RBBP8NL: variants seen among roughly 807,000 people sequenced by gnomAD.
RBBP8NL encodes RBBP8 N-terminal-like protein.
Under a neutral mutation model 62.2 loss-of-function variants are expected in RBBP8NL, and 59 were observed. The ratio of observed to expected loss-of-function variants is 0.95; its 90% CI spans 0.77 to 1.18. The LOEUF (loss-of-function observed/expected upper bound fraction) is 1.18. RBBP8NL is among the 50% of genes most tolerant of loss of function. RBBP8NL has a pLI of 0.00. For missense variants in RBBP8NL, 896 were observed against 899.5 expected (o/e 1.00, Z 0.05); for synonymous variants, 412 against 394.1 (o/e 1.05, Z -0.54).
intron 3 of RBBP8NL, 128 bp from the exon 4 acceptor site, chr20:62,417,447 C>G: frequency 3.0e-6 from 2 of 667,926 alleles, no homozygotes; most frequent in Non-Finnish European, 5.1e-6. Flanking sequence ...AACGCCTAAC[C>G]CGGTGCCCCC....
chr20:62,420,058 C>G (rs1027473976), intron 1 of RBBP8NL, among the ~76,000 whole-genome samples: 2 of 152,138 alleles, frequency 1.3e-5, no homozygotes, highest in African/African-American at 4.8e-5. Context: ...GGTATCCAGC[C>G]CATCAGTGCC....
chr20:62,413,997 C>T lies in RBBP8NL; in HGVS notation c.1354G>A (p.Gly452Ser). The T allele has an allele frequency of 1.3e-6, 2 of 1,569,694 alleles. No homozygotes were observed. Among genetic ancestry groups the T allele is most frequent in the South Asian group, 1.2e-5 (1 of 85,328 alleles). ...CCGGCCGGCTTGGGAGTGTCCTGGC[C>T]CCGGGCCCGGCCCCACTCCGAGAGG... Reference protein sequence around the residue: ...LDLSEWGRARGQDTPKPAGQH... With the variant: ...LDLSEWGRARSQDTPKPAGQH... The change falls in exon 10 of 14, where the codon GGC (glycine) becomes AGC (serine). Residue 452 changes from glycine (G) to serine (S), a missense_variant. By Grantham distance (56) the Gly-to-Ser change is moderately conservative (BLOSUM62 0). Coordinates refer to ENST00000252998, the MANE Select transcript of RBBP8NL (RefSeq NM_080833.3).
chr20:62,418,340 T>C (rs1988626747), intron 3 of RBBP8NL, 83 bp downstream of exon 3: 1 of 1,282,078 alleles, frequency 7.8e-7, no homozygotes, highest in African/African-American at 1.5e-5. Flanking sequence ...AGGACGGTGG[T>C]AGTGCTGGCA....
rs1051564388 is a variant in RBBP8NL at position 62,414,556 on chromosome 20, G to A, written c.795C>T (p.Ser265=). 1 of 1,423,476 alleles carries A rather than the reference G, an allele frequency of 7.0e-7. No individual in the cohort carries two copies. The highest frequency in any genetic ancestry group is 1.4e-5 in the African/African-American group (1 of 69,398). 88.2% of individuals were successfully genotyped at this position (1,423,476 alleles called of 1,614,324 possible). ...CGGAGGGCCGGGAGGCCCGCAGGAA[G>A]CTGTGAGGGAGGAGAAGCCGAATGA... ...PAYERGLSLD[S]FLRASRPSAM... Residue 265 remains serine, a splice_region_variant and synonymous_variant, in exon 10 of 14, where the codon AGC becomes AGT. Transcript: ENST00000252998.
intron 1 of RBBP8NL, among the ~76,000 whole-genome samples, chr20:62,427,051 C>T (rs1010836292): frequency 2.0e-5 from 3 of 152,360 alleles, no homozygotes; most frequent in African/African-American, 4.8e-5. Context: ...GTGCTGCACC[C>T]CTGCACCACC....
Position 62,410,572 on chromosome 20 carries a change from G to A in RBBP8NL, c.*306C>T. ...GCCGCAGAGCATTTCCCAGGTGGGT[G>A]GAGACGGGGTGAATCGCCAGCCTGA... is the stretch of plus-strand genomic sequence containing the variant. On this transcript the variant is annotated 3_prime_UTR_variant, in exon 14 of 14. Transcript: ENST00000252998. 1 of 414,382 alleles carries A rather than the reference G, an allele frequency of 2.4e-6. No homozygotes were observed. Among genetic ancestry groups the A allele is most frequent in the Non-Finnish European group, 4.3e-6 (1 of 231,030 alleles). The allele number at this position is 414,382 out of a possible 1,614,324, so 25.7% of individuals were successfully genotyped here.
intron 5 of RBBP8NL, 57 bp from the exon 6 acceptor site, chr20:62,416,293 GT>G: frequency 4.9e-5 from 34 of 701,018 alleles, no homozygotes; most frequent in Middle Eastern, 3.7e-4. Context: ...AGGGGCAGGG[GT>G]GGGGTCGTCA....
At chr20:62,419,994 C>A (rs1211726472) in intron 1 of RBBP8NL, among the ~76,000 whole-genome samples, 2 of 152,114 alleles carry the variant, frequency 1.3e-5, no homozygotes, top group African/African-American at 4.8e-5. Context: ...GCTGGAGGGG[C>A]CAGGGAGCAT....
intron 1 of RBBP8NL, among the ~76,000 whole-genome samples, chr20:62,422,863 T>G (rs565617266): frequency 6.6e-6 from 1 of 152,028 alleles, no homozygotes; most frequent in Non-Finnish European, 1.5e-5. Context: ...TGGGGCTGCA[T>G]GGAGGGCGGA....
chr20:62,420,506 CACA>C (rs1411007009), intron 1 of RBBP8NL, among the ~76,000 whole-genome samples: 4 of 152,120 alleles, frequency 2.6e-5, no homozygotes, highest in Admixed American at 6.5e-5. Flanking sequence ...CATGTATACA[CACA>C]ACACACAGGC....
At chr20:62,419,346 C>G (rs1478915969) in intron 2 of RBBP8NL, among the ~76,000 whole-genome samples, 1 of 152,216 alleles carries the variant, frequency 6.6e-6, no homozygotes, top group East Asian at 1.9e-4. Flanking sequence ...GGGTCACACT[C>G]TGGGAGTGGC....
At chr20:62,413,776 C>T (rs930917869) in intron 10 of RBBP8NL, 45 bp downstream of exon 10, 11 of 1,536,620 alleles carry the variant, frequency 7.2e-6, no homozygotes, top group Middle Eastern at 2.3e-4. Context: ...GGGTGGGGGA[C>T]GTGGAGGCTG....
Position 62,415,956 on chromosome 20 carries a change from G to A in RBBP8NL, c.387-11C>T. The A allele has an allele frequency of 2.0e-6, 3 of 1,514,376 alleles. No homozygotes were observed. The highest frequency in any genetic ancestry group is 1.8e-6 in the Non-Finnish European group (2 of 1,130,794). The allele number at this position is 1,514,376 out of a possible 1,614,324, so 93.8% of individuals were successfully genotyped here. ...GGCTTGGGCCTGTCTCTAGAGGGGA[G>A]GCAGAGACAGGGAGGGTGAGGGAGA... On this transcript the variant is annotated splice_polypyrimidine_tract_variant and intron_variant, in intron 6 of 13. Coordinates refer to ENST00000252998, the MANE Select transcript of RBBP8NL (RefSeq NM_080833.3).
At position 62,415,728 on chromosome 20, in the gene RBBP8NL, G is replaced by T. The variant is rs547876073; in HGVS notation, c.544+60C>A. The stretch of plus-strand genomic sequence containing the variant: ...AGAGGGGCAGCGGCCCAGCCCCAGG[G>T]GGAGGATCCCTGGTCCTGCGGGGGC... On this transcript the variant is annotated intron_variant, in intron 7 of 13. Coordinates refer to ENST00000252998, the MANE Select transcript of RBBP8NL (RefSeq NM_080833.3). 3.5e-5 allele frequency: 56 copies of T among 1,609,714 alleles called. No individual in the cohort carries two copies. In the African/African-American group the frequency reaches 6.9e-4, roughly 20 times the overall value.
rs1157843484 is a variant in RBBP8NL, at chr20:62,414,144, T to G, written c.1207A>C (p.Arg403=). 1 of 1,604,628 alleles carries G rather than the reference T, an allele frequency of 6.2e-7. No homozygotes were observed. The highest frequency in any genetic ancestry group is 8.5e-7 in the Non-Finnish European group (1 of 1,177,442). ...AGGCCTGCTGCGGCCAGAGCTGCCC[T>G]GGTCCCCTCATTCTCAGGGCCCTCA... ...DSEGPENEGT[R]AALAAAGLSG... is the part of the protein sequence containing the mutation. Residue 403 remains arginine (R), a synonymous_variant, in exon 10 of 14, where the codon AGG becomes CGG. Coordinates refer to ENST00000252998, the MANE Select transcript of RBBP8NL (RefSeq NM_080833.3).
rs1988467810 is a variant in RBBP8NL, at chr20:62,412,888, G to A, written c.1688C>T (p.Ala563Val). Reference protein sequence around the residue: ...DLDGHPEPSKAEVLRPESDEL... With the variant: ...DLDGHPEPSKVEVLRPESDEL... ...GTCGGACTCTGGTCTCAGCACTTCA[G>A]CCTTGCTGGGCTCTGAAGGATGCAG... The change falls in exon 12 of 14, where the codon GCT (alanine) becomes GTT (valine). Residue 563 changes from alanine to valine, a missense_variant. Transcript: ENST00000252998. 1 of 1,613,302 alleles carries A rather than the reference G, an allele frequency of 6.2e-7. No individual in the cohort carries two copies. The highest frequency in any genetic ancestry group is 1.7e-5 in the Admixed American group (1 of 60,026).
In RBBP8NL at chr20:62,415,278, G is replaced by A. The variant is rs766362259; in HGVS notation, c.637C>T (p.Arg213Cys). The change falls in exon 9 of 14, where the codon CGC becomes TGC. Residue 213 changes from arginine to cysteine, a missense_variant. Coordinates refer to ENST00000252998, the MANE Select transcript of RBBP8NL (RefSeq NM_080833.3). Reference protein sequence around the residue: ...ESRAPDMSPQRISNQLHGTIA... With the variant: ...ESRAPDMSPQCISNQLHGTIA... ...GTCCCGTGCAGCTGGTTGGAGATGCGCTGGGGGCTCTGTGAGGATGGGTGG... is the reference window on the plus strand; with the variant it reads ...GTCCCGTGCAGCTGGTTGGAGATGCACTGGGGGCTCTGTGAGGATGGGTGG... 21 of 1,571,502 alleles carry A rather than the reference G, an allele frequency of 1.3e-5. No homozygotes were observed. Among genetic ancestry groups the A allele is most frequent in the Non-Finnish European group, 1.8e-5 (21 of 1,166,202 alleles).
Position 62,417,456 on chromosome 20 carries a change from C to T in RBBP8NL, c.105-137G>A, listed in dbSNP as rs570989517. 3 of 650,320 alleles carry T rather than the reference C, an allele frequency of 4.6e-6. No homozygotes were observed. The South Asian group carries it at 5.5e-5, about 12-fold the overall frequency. 40.3% of individuals were successfully genotyped at this position (650,320 alleles called of 1,614,324 possible). A position where few individuals can be genotyped will look rare whatever the true frequency, so the allele number is the denominator to read the frequency against. Reference sequence around the variant, plus strand: ...GGGGGCAACGCCTAACCCGGTGCCCCCCTCCCAGTCATCTGCACGCTCCTC... The same window carrying T: ...GGGGGCAACGCCTAACCCGGTGCCCTCCTCCCAGTCATCTGCACGCTCCTC... On this transcript the variant is annotated intron_variant, in intron 3 of 13. Coordinates refer to ENST00000252998, the MANE Select transcript of RBBP8NL (RefSeq NM_080833.3).
chr20:62,423,055 G>A (rs933688483), intron 1 of RBBP8NL, among the ~76,000 whole-genome samples: 1 of 152,108 alleles, frequency 6.6e-6, no homozygotes, highest in Non-Finnish European at 1.5e-5. Context: ...TGTCTTTGCT[G>A]GTGAAGGGGA....
Sources: gnomAD v4.1 joint callset for allele counts (sites outside exome capture counted in the v4.1 genomes callset) on GRCh38, gnomAD v4.1.1 for gene constraint, MANE v1.5 for transcripts, NCBI Gene and HGNC (gene_info 2026-07-23, HGNC 2026-07-21) for gene names.